Variants in NRG3 observed in about 807,000 individuals in gnomAD.
NRG3 encodes the protein neuregulin 3.
In NRG3, 31 loss-of-function variants were observed where a neutral mutation model predicts 66.9. The ratio of observed to expected loss-of-function variants is 0.46; its 90% CI spans 0.35 to 0.63. The LOEUF (loss-of-function observed/expected upper bound fraction) is 0.63, where lower values mean the gene tolerates loss of function less well. NRG3 is among the 20% of genes least tolerant of loss of function. The probability of loss-of-function intolerance (pLI) is 0.00; values close to 1 mark genes in which losing one functional copy is unlikely to be tolerated. For missense variants in NRG3, 910 were observed against 878.9 expected (o/e 1.04, Z -0.45); for synonymous variants, 393 against 359.4 (o/e 1.09, Z -1.06).
intron 1 of NRG3, among the ~76,000 whole-genome samples, chr10:81,940,384 T>C (rs1848302687): frequency 6.6e-6 from 1 of 152,108 alleles, no homozygotes; most frequent in Non-Finnish European, 1.5e-5. Flanking sequence ...TTTCACTCTA[T>C]TTCCCAGGCT....
chr10:82,776,719 G>A (rs776247928), intron 3 of NRG3, among the ~76,000 whole-genome samples: 1 of 151,276 alleles, frequency 6.6e-6, no homozygotes, highest in Non-Finnish European at 1.5e-5. Context: ...ACTCTTACAT[G>A]TACTTCTTAT....
At chr10:82,582,673 T>A (rs946075656) in intron 2 of NRG3, among the ~76,000 whole-genome samples, 90 of 149,688 alleles carry the variant, frequency 6.0e-4, no homozygotes, top group African/African-American at 2.1e-3. Context: ...TGTGTGTGTG[T>A]GTGTGTGTGT....
At chr10:82,735,061 GAAGA>G (rs894731622) in intron 2 of NRG3, among the ~76,000 whole-genome samples, 17 of 151,532 alleles carry the variant, frequency 1.1e-4, no homozygotes, top group Admixed American at 3.9e-4. Flanking sequence ...AGGGAGGAAG[GAAGA>G]AAGAAAGAAA....
At chr10:82,776,449 A>G (rs997449330) in intron 3 of NRG3, among the ~76,000 whole-genome samples, 1 of 152,064 alleles carries the variant, frequency 6.6e-6, no homozygotes, top group Admixed American at 6.6e-5. Context: ...AGCTTCATGG[A>G]TCTGTATGTT....
intron 1 of NRG3, among the ~76,000 whole-genome samples, chr10:81,929,606 T>C (rs1270058913): frequency 6.6e-6 from 1 of 152,208 alleles, no homozygotes; most frequent in Non-Finnish European, 1.5e-5. Flanking sequence ...TAGGAAGAAG[T>C]TGACTACAAT....
intron 3 of NRG3, among the ~76,000 whole-genome samples, chr10:82,751,237 A>G (rs901526035): frequency 2.0e-5 from 3 of 152,118 alleles, no homozygotes; most frequent in African/African-American, 7.2e-5. Flanking sequence ...TGAAAAGTCA[A>G]TCCCTTAGGG....
chr10:82,581,396 G>T (rs980356787), intron 2 of NRG3, among the ~76,000 whole-genome samples: 5 of 151,874 alleles, frequency 3.3e-5, no homozygotes, highest in Admixed American at 6.6e-5. Context: ...TTGTCACTTA[G>T]TTTTCTTAAT....
chr10:82,839,866 C>G (rs1376956561), intron 3 of NRG3, among the ~76,000 whole-genome samples: 1 of 152,036 alleles, frequency 6.6e-6, no homozygotes, highest in Non-Finnish European at 1.5e-5. Context: ...TAAACAATCA[C>G]TCTGCTGATT....
chr10:81,964,807 T>G (rs113766907), intron 1 of NRG3, among the ~76,000 whole-genome samples: 1 of 152,214 alleles, frequency 6.6e-6, no homozygotes, highest in Non-Finnish European at 1.5e-5. Context: ...CCAGTTGTTG[T>G]CTTTCCATTT....
intron 2 of NRG3, among the ~76,000 whole-genome samples, chr10:82,560,280 G>T (rs919292436): frequency 6.6e-6 from 1 of 151,426 alleles, no homozygotes; most frequent in African/African-American, 2.4e-5. Flanking sequence ...TGATTTTCAG[G>T]TGACTGACAT....
chr10:82,550,179 T>A (rs1565058566), intron 2 of NRG3, among the ~76,000 whole-genome samples: 1 of 152,306 alleles, frequency 6.6e-6, no homozygotes, highest in East Asian at 1.9e-4. Flanking sequence ...ATTCCGTTTA[T>A]CTTTGGTGAA....
At chr10:82,866,288 T>C (rs1840729165) in intron 4 of NRG3, among the ~76,000 whole-genome samples, 1 of 152,214 alleles carries the variant, frequency 6.6e-6, no homozygotes, top group Non-Finnish European at 1.5e-5. Flanking sequence ...GCTTTATACA[T>C]GAATGTTTAT....
At chr10:82,613,708 T>G (rs2048455015) in intron 2 of NRG3, among the ~76,000 whole-genome samples, 1 of 151,832 alleles carries the variant, frequency 6.6e-6, no homozygotes, top group Non-Finnish European at 1.5e-5. Flanking sequence ...TTAATATACT[T>G]TAAGTTTTAG....
At chr10:82,703,605 G>T (rs371910001) in intron 2 of NRG3, among the ~76,000 whole-genome samples, 2 of 152,204 alleles carry the variant, frequency 1.3e-5, no homozygotes, top group Admixed American at 6.5e-5. Context: ...GGTCAGATTC[G>T]TTCCTTTAGT....
At chr10:82,508,622 C>T (rs1336130400) in intron 2 of NRG3, among the ~76,000 whole-genome samples, 1 of 152,188 alleles carries the variant, frequency 6.6e-6, no homozygotes, top group Non-Finnish European at 1.5e-5. Context: ...GTGCACAGAT[C>T]TGCATTTAGT....
At chr10:81,934,333 G>A in intron 1 of NRG3, among the ~76,000 whole-genome samples, 1 of 152,294 alleles carries the variant, frequency 6.6e-6, no homozygotes, top group Admixed American at 6.5e-5. Context: ...TTGCAGCATT[G>A]TTCATTAAAC....
At chr10:82,700,966 T>A (rs1009783633) in intron 2 of NRG3, among the ~76,000 whole-genome samples, 1 of 152,110 alleles carries the variant, frequency 6.6e-6, no homozygotes, top group African/African-American at 2.4e-5. Flanking sequence ...AGCCTGAATT[T>A]TCCTATTTAA....
At chr10:82,334,624 G>T (rs74627057) in intron 1 of NRG3, among the ~76,000 whole-genome samples, 8 of 152,074 alleles carry the variant, frequency 5.3e-5, no homozygotes, top group South Asian at 4.2e-4. Flanking sequence ...AGTTAATTAC[G>T]CTGAGTGACC....
At chr10:82,081,275 A>G (rs1030222615) in intron 1 of NRG3, among the ~76,000 whole-genome samples, 2 of 152,196 alleles carry the variant, frequency 1.3e-5, no homozygotes, top group Admixed American at 6.5e-5. Context: ...AGAGACACCC[A>G]TGATGGAATT....
Sources: gnomAD v4.1 joint callset for allele counts (sites outside exome capture counted in the v4.1 genomes callset) on GRCh38, gnomAD v4.1.1 for gene constraint, MANE v1.5 for transcripts, NCBI Gene and HGNC (gene_info 2026-07-23, HGNC 2026-07-21) for gene names.